Variants in TRAF3IP2 observed in about 807,000 individuals in gnomAD.
TRAF3IP2 encodes TRAF3 interacting protein 2, also known as E3 ubiquitin ligase TRAF3IP2.
Under a neutral mutation model 57.9 loss-of-function variants are expected in TRAF3IP2, and 35 were observed. The observed-to-expected ratio is 0.60, with a 90% CI of 0.46 to 0.80. TRAF3IP2 has a LOEUF of 0.80. TRAF3IP2 is among the 30% of genes least tolerant of loss of function. The pLI is 0.00. For synonymous variants in TRAF3IP2, 251 were observed against 268.9 expected (o/e 0.93, Z 0.65); for missense variants, 556 against 706.4 (o/e 0.79, Z 2.41).
At chr6:111,593,347 T>C (rs1796577906) in intron 1 of TRAF3IP2, among the ~76,000 whole-genome samples, 1 of 152,234 alleles carries the variant, frequency 6.6e-6, no homozygotes, top group South Asian at 2.1e-4. Context: ...CTAAAGTCAG[T>C]TTACATAAAT....
chr6:111,581,001 G>C (rs1462152956), intron 2 of TRAF3IP2, among the ~76,000 whole-genome samples: 1 of 152,328 alleles, frequency 6.6e-6, no homozygotes, highest in Admixed American at 6.5e-5. Flanking sequence ...ACGTGCACTT[G>C]GAGCCAGGGC....
Position 111,556,417 on chromosome 6 carries a change from TAA to T in TRAF3IP2, c.*2986_*2987del, listed in dbSNP as rs1795243109. 6.6e-6 allele frequency: 1 copy of T among 152,216 alleles called. No homozygotes were observed. The highest frequency in any genetic ancestry group is 2.4e-5 in the African/African-American group (1 of 41,454). The allele number at this position is 152,216 out of a possible 1,614,324, so 9.4% of individuals were successfully genotyped here. A position where few individuals can be genotyped will look rare whatever the true frequency, so the allele number is the denominator to read the frequency against. On this transcript the variant is annotated 3_prime_UTR_variant, in exon 9 of 9. Coordinates refer to ENST00000368761, the MANE Select transcript of TRAF3IP2 (RefSeq NM_147686.4). ...GGAAGGGTTAATAACATCACATTGC[TAA>T]GTCTTTGCAAACTAGAAACATTTCA...
At chr6:111,559,584 A>AT in intron 8 of TRAF3IP2, 33 bp from the exon 9 acceptor site, 3 of 1,604,550 alleles carry the variant, frequency 1.9e-6, no homozygotes, top group Non-Finnish European at 2.6e-6. Context: ...AGCAAAGGTC[A>AT]TTAGAGAAAA....
chr6:111,561,354 C>T (rs1282082049), intron 8 of TRAF3IP2, among the ~76,000 whole-genome samples: 2 of 151,698 alleles, frequency 1.3e-5, no homozygotes, highest in South Asian at 2.1e-4. Flanking sequence ...GCAGGAGAAT[C>T]GCTTGAACCC....
At chr6:111,567,288 T>TG (rs774243968) in intron 6 of TRAF3IP2, 10 of 1,050,864 alleles carry the variant, frequency 9.5e-6, no homozygotes, top group African/African-American at 1.7e-5. Flanking sequence ...ACAAAACACT[T>TG]GGGGTGGCCT....
At chr6:111,603,680 G>T (rs564418637) in intron 1 of TRAF3IP2, among the ~76,000 whole-genome samples, 3 of 152,270 alleles carry the variant, frequency 2.0e-5, no homozygotes, top group Non-Finnish European at 4.4e-5. Context: ...TCTTTTCAGA[G>T]CATTTGAAAG....
At chr6:111,605,046 T>C (rs1796976526) in intron 1 of TRAF3IP2, among the ~76,000 whole-genome samples, 2 of 152,008 alleles carry the variant, frequency 1.3e-5, no homozygotes, top group African/African-American at 4.8e-5. Flanking sequence ...CCAAGTTTCT[T>C]GTCCTTTTAA....
In TRAF3IP2 at chr6:111,596,657, T is replaced by C. The variant is rs142327576; in HGVS notation, c.-8-4563A>G. On this transcript the variant is annotated intron_variant, in intron 1 of 8. Coordinates refer to ENST00000368761, the MANE Select transcript of TRAF3IP2 (RefSeq NM_147686.4). ...TTAGTAGAGACAGAGTTTCACCACG[T>C]TGGCCAGACTGGTCTCAAACTCCTG... is the stretch of plus-strand genomic sequence containing the variant. Among the ~76,000 whole-genome samples, 1,241 of 152,338 alleles carry C rather than the reference T, an allele frequency of 8.1e-3. 17 individuals carry two copies. Among genetic ancestry groups the C allele is most frequent in the African/African-American group, 0.028 (1,182 of 41,576 alleles).
At chr6:111,601,926 A>ACTGGTTTG (rs1162693605) in intron 1 of TRAF3IP2, 2 of 152,146 alleles carry the variant, frequency 1.3e-5, no homozygotes, top group Non-Finnish European at 2.9e-5. Context: ...CTTTCATAAC[A>ACTGGTTTG]CTGGTTTGCT....
At position 111,559,304 on chromosome 6, in the gene TRAF3IP2, A is replaced by C; in HGVS notation, c.*101T>G. 1.3e-6 allele frequency: 2 copies of C among 1,505,542 alleles called. No homozygotes were observed. The highest frequency in any genetic ancestry group is 8.9e-7 in the Non-Finnish European group (1 of 1,125,890). 93.3% of individuals were successfully genotyped at this position (1,505,542 alleles called of 1,614,324 possible). On this transcript the variant is annotated 3_prime_UTR_variant, in exon 9 of 9. Transcript: ENST00000368761. ...AGAGGGCCTCTCGGGGAGGAACAGAAAAAAACCAGCCAGGAGTGCTACCGA... is the reference window on the plus strand; with the variant it reads ...AGAGGGCCTCTCGGGGAGGAACAGACAAAAACCAGCCAGGAGTGCTACCGA...
intron 1 of TRAF3IP2, among the ~76,000 whole-genome samples, chr6:111,595,005 G>A (rs916382407): frequency 5.3e-5 from 8 of 152,256 alleles, no homozygotes; most frequent in African/African-American, 1.9e-4. Context: ...GCCAAGGTGG[G>A]TGGATCACCT....
Position 111,555,608 on chromosome 6 carries a change from C to T in TRAF3IP2, c.*3797G>A, listed in dbSNP as rs1365024580. Among the ~76,000 whole-genome samples, 4 of 152,114 alleles carry T rather than the reference C, an allele frequency of 2.6e-5. No homozygotes were observed. The East Asian group carries it at 7.7e-4, about 29-fold the overall frequency. Reference sequence around the variant, plus strand: ...TAGTCATCAAATATTAGGTAAGAACCTAACCTTGCATTCCACAAACCCACC... The same window carrying T: ...TAGTCATCAAATATTAGGTAAGAACTTAACCTTGCATTCCACAAACCCACC... On this transcript the variant is annotated 3_prime_UTR_variant, in exon 9 of 9. Transcript: ENST00000368761.
chr6:111,561,333 G>A (rs879754868), intron 8 of TRAF3IP2, among the ~76,000 whole-genome samples: 4 of 151,982 alleles, frequency 2.6e-5, no homozygotes, highest in South Asian at 2.1e-4. Flanking sequence ...CCAGATAGTC[G>A]GGAGGCTGAG....
Position 111,575,700 on chromosome 6 carries a change from G to C in TRAF3IP2, c.1144C>G (p.Pro382Ala). The change falls in exon 4 of 9, where the codon CCT becomes GCT. Residue 382 changes from proline (P) to alanine (A), a missense_variant. Pro to Ala is a conservative substitution (Grantham distance 27). Around this residue, in one of 2 missense-constraint regions of TRAF3IP2, gnomAD observed 428 missense variants for 498.7 expected, o/e 0.86. Transcript: ENST00000368761. ...PPSPAAVPRP[P>A]SNPPARGTLK... The stretch of plus-strand genomic sequence containing the variant: ...GTTCCTCTGGCTGGAGGGTTGCTAG[G>C]GGGTCTAGGCACAGCAGCTGGGGAC... The C allele has an allele frequency of 6.2e-7, 1 of 1,613,530 alleles. No individual in the cohort carries two copies. Among genetic ancestry groups the C allele is most frequent in the Non-Finnish European group, 8.5e-7 (1 of 1,179,860 alleles).
intron 8 of TRAF3IP2, among the ~76,000 whole-genome samples, chr6:111,562,361 T>G (rs1278204907): frequency 6.6e-6 from 1 of 152,208 alleles, no homozygotes; most frequent in Non-Finnish European, 1.5e-5. Context: ...ATAAGAAGTA[T>G]GACATGAACC....
rs1261425406 is a variant in TRAF3IP2, at chr6:111,591,849, C to A, written c.238G>T (p.Val80Phe). 6.2e-7 allele frequency: 1 copy of A among 1,614,222 alleles called. No homozygotes were observed. The highest frequency in any genetic ancestry group is 1.3e-5 in the African/African-American group (1 of 75,060). Residue 80 changes from valine (V) to phenylalanine (F), a missense_variant, in exon 2 of 9, where the codon GTC becomes TTC. By Grantham distance (50) the Val-to-Phe change is conservative (BLOSUM62 -1). Around this residue, in one of 2 missense-constraint regions of TRAF3IP2, gnomAD observed 428 missense variants for 498.7 expected, o/e 0.86. Transcript: ENST00000368761. This position sits in a 1 kb window ranked among gnomAD's most constrained non-coding sequence, Gnocchi z 4.9. The part of the protein sequence containing the change: ...ANHQRPVSRQ[V>F]TCLRTQVLED... ...AGAACTTGAGTGCGCAGGCAGGTGA[C>A]CTGCCGGGATACAGGCCGCTGGTGA...
At chr6:111,590,053 C>G (rs1028676197) in intron 2 of TRAF3IP2, among the ~76,000 whole-genome samples, 3 of 152,054 alleles carry the variant, frequency 2.0e-5, no homozygotes, top group Non-Finnish European at 4.4e-5. Flanking sequence ...TTCCAGTGGC[C>G]TCAGCGGAGA....
At chr6:111,599,262 G>T (rs1233682838) in intron 1 of TRAF3IP2, among the ~76,000 whole-genome samples, 1 of 151,970 alleles carries the variant, frequency 6.6e-6, no homozygotes, top group South Asian at 2.1e-4. Context: ...GTGAGCTGTG[G>T]TTCTAGCTCT....
chr6:111,576,618 T>G (rs1795998378), intron 3 of TRAF3IP2: 1 of 152,248 alleles, frequency 6.6e-6, no homozygotes, highest in African/African-American at 2.4e-5. Context: ...ACCATTGCAG[T>G]GGTCACAGCG....
Sources: allele counts gnomAD v4.1 joint callset (sites outside exome capture counted in the v4.1 genomes callset), GRCh38; gene constraint gnomAD v4.1.1; regional missense constraint gnomAD v4.1.1; non-coding constraint Gnocchi (gnomAD v3.1); transcripts MANE v1.5; gene names NCBI Gene and HGNC (gene_info 2026-07-23, HGNC 2026-07-21).